FAM184B: variants seen among roughly 807,000 people sequenced by gnomAD.
FAM184B encodes family with sequence similarity 184 member B.
Under a neutral mutation model 135.9 loss-of-function variants are expected in FAM184B, and 111 were observed. The observed-to-expected ratio is 0.82, with a 90% confidence interval of 0.70 to 0.96. FAM184B has a LOEUF of 0.96. Among genes scored for constraint, FAM184B ranks in the 40% least tolerant of loss-of-function variants. The pLI is 0.00. For missense variants in FAM184B, 1,375 were observed against 1,323.9 expected, an observed-to-expected ratio of 1.04 and a Z score of -0.60; for synonymous variants, 552 against 524.8, an observed-to-expected ratio of 1.05 and a Z score of -0.71.
intron 1 of FAM184B, among the ~76,000 whole-genome samples, chr4:17,713,582 T>C (rs1051845713): frequency 6.6e-6 from 1 of 152,364 alleles, no homozygotes; most frequent in East Asian, 1.9e-4. Context: ...TATATACACA[T>C]TCACAATCTC....
rs1390113290 is a variant in FAM184B, at chr4:17,631,077, T to C, written c.*1455A>G. ...TCTGTCAGAAGGTAAGACAAATCAG[T>C]GTGGACTGAGAGCAAGGTCAGCACC... On this transcript the variant is annotated 3_prime_UTR_variant, in exon 18 of 18. Transcript: ENST00000265018. 1.3e-5 allele frequency: 2 copies of C among 152,218 alleles called. No individual in the cohort carries two copies. The highest frequency in any genetic ancestry group is 3.8e-4 in the East Asian group (2 of 5,200). The allele number at this position is 152,218 out of a possible 1,614,324, so 9.4% of individuals were successfully genotyped here.
intron 1 of FAM184B, among the ~76,000 whole-genome samples, chr4:17,741,378 C>T (rs1351314810): frequency 3.3e-5 from 5 of 152,094 alleles, no homozygotes; most frequent in East Asian, 3.9e-4. Context: ...CACAGGAAAG[C>T]GCAGTCCTGC....
chr4:17,767,391 T>TG (rs745364028), intron 1 of FAM184B, among the ~76,000 whole-genome samples: 1 of 152,094 alleles, frequency 6.6e-6, no homozygotes. Context: ...TAAATGGACA[T>TG]GAAAAGAAAG....
chr4:17,645,266 C>T (rs1004345705), intron 12 of FAM184B, among the ~76,000 whole-genome samples: 1 of 152,160 alleles, frequency 6.6e-6, no homozygotes, highest in Non-Finnish European at 1.5e-5. Context: ...CCTGCGTCGC[C>T]AAGTCAATCC....
chr4:17,683,404 T>C lies in FAM184B; in HGVS notation c.1596+5020A>G, dbSNP rs576957684. ...CCAACACCATACAGATAGGAATTCA[T>C]TTAGACCTCACAAAGACCCTCTGGA... On this transcript the variant is annotated intron_variant, in intron 7 of 17. Transcript: ENST00000265018. Among the ~76,000 whole-genome samples the C allele has an allele frequency of 1.6e-4, 25 of 152,292 alleles. No individual in the cohort carries two copies. In the South Asian group the frequency reaches 3.9e-3, roughly 24 times the overall value.
At chr4:17,669,579 G>C (rs572191354) in intron 7 of FAM184B, among the ~76,000 whole-genome samples, 24 of 152,308 alleles carry the variant, frequency 1.6e-4, no homozygotes, top group African/African-American at 5.1e-4. Context: ...AATAAGACCA[G>C]TAGCTAGGAC....
At chr4:17,640,799 C>G (rs561515256) in intron 13 of FAM184B, among the ~76,000 whole-genome samples, 1 of 152,310 alleles carries the variant, frequency 6.6e-6, no homozygotes, top group Admixed American at 6.5e-5. Flanking sequence ...AAGAAAGGCT[C>G]TGAGTTCAGG....
intron 11 of FAM184B, among the ~76,000 whole-genome samples, chr4:17,649,623 A>T (rs537806560): frequency 6.6e-6 from 1 of 152,152 alleles, no homozygotes; most frequent in South Asian, 2.1e-4. Context: ...TCTTTCCAGC[A>T]GAATTTTGAT....
chr4:17,753,206 T>C, intron 1 of FAM184B, among the ~76,000 whole-genome samples: 1 of 152,240 alleles, frequency 6.6e-6, no homozygotes, highest in East Asian at 1.9e-4. Context: ...AATCTATATG[T>C]AATTGTTTGT....
intron 12 of FAM184B, 96 bp downstream of exon 12, chr4:17,647,541 A>G: frequency 7.1e-7 from 1 of 1,405,346 alleles, no homozygotes. Context: ...GAGCCACTGC[A>G]CTCAGCCTCA....
intron 10 of FAM184B, among the ~76,000 whole-genome samples, chr4:17,657,655 CTTTTTTTTT>C (rs58666074): frequency 8.7e-6 from 1 of 114,470 alleles, no homozygotes; most frequent in Non-Finnish European, 1.7e-5. Context: ...CTGAGCTGTT[CTTTTTTTTT>C]TTTTTTTTTT....
At chr4:17,742,371 C>G (rs1274352082) in intron 1 of FAM184B, among the ~76,000 whole-genome samples, 2 of 151,760 alleles carry the variant, frequency 1.3e-5, no homozygotes, top group Non-Finnish European at 2.9e-5. Flanking sequence ...GAGGTTGAGG[C>G]TGCAGGGATC....
intron 1 of FAM184B, among the ~76,000 whole-genome samples, chr4:17,762,584 TC>T (rs991268394): frequency 6.6e-6 from 1 of 152,176 alleles, no homozygotes; most frequent in African/African-American, 2.4e-5. Context: ...TGTGTTTGCA[TC>T]ACATTCGATC....
In FAM184B at chr4:17,632,549, T is replaced by TG. The variant is rs1447866707; in HGVS notation, c.3165dup (p.Lys1056GlnfsTer8). 12 of 1,551,114 alleles carry TG rather than the reference T, an allele frequency of 7.7e-6. No homozygotes were observed. The East Asian group carries it at 2.9e-4, about 38-fold the overall frequency. On this transcript the variant is annotated frameshift_variant, in exon 18 of 18. Coordinates refer to ENST00000265018, the MANE Select transcript of FAM184B (RefSeq NM_015688.2). LOFTEE classifies it high-confidence loss of function. ...AGGTTAGCTTAGAAAGAAAAGTACT[T>TG]GGTGAACCATTCCTGGTGCGGAGAG...
intron 1 of FAM184B, among the ~76,000 whole-genome samples, chr4:17,764,011 C>A (rs538688759): frequency 1.3e-5 from 2 of 152,270 alleles, no homozygotes; most frequent in South Asian, 4.1e-4. Flanking sequence ...CCCCCAACAC[C>A]TACCTACATG....
At chr4:17,687,206 G>A (rs1429099045) in intron 7 of FAM184B, among the ~76,000 whole-genome samples, 4 of 152,192 alleles carry the variant, frequency 2.6e-5, no homozygotes, top group Non-Finnish European at 5.9e-5. Flanking sequence ...ACAGAAATGG[G>A]TAAACAAGAG....
chr4:17,721,400 A>AAAAAAAAAAAAAAAAAAAAC (rs1393851594), intron 1 of FAM184B, among the ~76,000 whole-genome samples: 1 of 149,872 alleles, frequency 6.7e-6, no homozygotes, highest in Non-Finnish European at 1.5e-5. Flanking sequence ...AAAAAAAAAA[A>AAAAAAAAAAAAAAAAAAAAC]AAAAAATCTC....
intron 6 of FAM184B, among the ~76,000 whole-genome samples, chr4:17,689,372 T>A (rs1265624407): frequency 6.6e-6 from 1 of 152,120 alleles, no homozygotes; most frequent in Non-Finnish European, 1.5e-5. Flanking sequence ...AAAGGAAACT[T>A]TGACTTTCCT....
intron 1 of FAM184B, among the ~76,000 whole-genome samples, chr4:17,744,272 G>T (rs1288562636): frequency 6.6e-6 from 1 of 152,080 alleles, no homozygotes; most frequent in Non-Finnish European, 1.5e-5. Context: ...ATAACTGGGA[G>T]AAGGTGCAAT....
Sources: allele counts gnomAD v4.1 joint callset (sites outside exome capture counted in the v4.1 genomes callset), GRCh38; gene constraint gnomAD v4.1.1; transcripts MANE v1.5; gene names NCBI Gene and HGNC (gene_info 2026-07-23, HGNC 2026-07-21).